SLC4A8: variants seen among roughly 807,000 people sequenced by gnomAD.
SLC4A8 encodes solute carrier family 4 member 8.
A neutral mutation model predicts 125.0 loss-of-function variants in SLC4A8; 40 were observed. The ratio of observed to expected loss-of-function variants is 0.32; its 90% CI spans 0.25 to 0.42. SLC4A8 has a LOEUF of 0.42. Among genes scored for constraint, SLC4A8 ranks in the 10% least tolerant of loss-of-function variants. SLC4A8 has a pLI of 1.00. For synonymous variants in SLC4A8, 456 were observed against 476.0 expected (o/e 0.96, Z 0.55); for missense variants, 863 against 1,355.1 (o/e 0.64, Z 5.70).
intron 4 of SLC4A8, 21 bp from the exon 5 acceptor site, chr12:51,453,518 A>G (rs1428742559): frequency 6.2e-7 from 1 of 1,608,758 alleles, no homozygotes; most frequent in Non-Finnish European, 8.5e-7. Context: ...TTTGGCATCT[A>G]GTTATTTGTA....
At chr12:51,464,122 C>T (rs1950439306) in intron 11 of SLC4A8, among the ~76,000 whole-genome samples, 1 of 152,002 alleles carries the variant, frequency 6.6e-6, no homozygotes, top group Admixed American at 6.6e-5. Context: ...CTCTGACCCT[C>T]CCTTCCCCAC....
At chr12:51,484,589 G>A (rs1255233294) in intron 16 of SLC4A8, among the ~76,000 whole-genome samples, 1 of 152,138 alleles carries the variant, frequency 6.6e-6, no homozygotes, top group African/African-American at 2.4e-5. Context: ...GAAACCTTGG[G>A]CTTCAAAGCA....
At chr12:51,431,810 G>A (rs935611034) in intron 1 of SLC4A8, among the ~76,000 whole-genome samples, 1 of 152,140 alleles carries the variant, frequency 6.6e-6, no homozygotes, top group African/African-American at 2.4e-5. Context: ...AGTTTGGGGT[G>A]CAGGGTTCTG....
intron 18 of SLC4A8, 56 bp from the exon 19 acceptor site, chr12:51,489,644 C>T: frequency 6.2e-7 from 1 of 1,604,730 alleles, no homozygotes; most frequent in South Asian, 1.1e-5. Flanking sequence ...GCTCACTGTT[C>T]TATGCCCTAC....
intron 1 of SLC4A8, among the ~76,000 whole-genome samples, chr12:51,400,777 TACATACATACACACACACACAC>T (rs1948369033): frequency 2.0e-4 from 2 of 10,002 alleles, no homozygotes; most frequent in African/African-American, 9.6e-4. Context: ...TATATATATA[TACATACATACACACACACACAC>T]ACATATATAA....
intron 1 of SLC4A8, chr12:51,403,304 A>G (rs1467877064): frequency 2.2e-6 from 1 of 451,670 alleles, no homozygotes; most frequent in Non-Finnish European, 4.5e-6. Flanking sequence ...GTTTCTTGAT[A>G]TGTGCCTGTT....
rs1950799984 is a variant in SLC4A8, at chr12:51,474,358, C to T, written c.1921C>T (p.Pro641Ser). Residue 641 changes from proline (P) to serine (S), a missense_variant, in exon 15 of 25, where the codon CCA (proline) becomes TCA (serine). Transcript: ENST00000453097. ...LSLYYCRCTL[P>S]ENPNNHTLQY... Reference sequence around the variant, plus strand: ...TCCCCTCAGCTGCAGGTGTACTCTGCCAGAGAATCCAAACAATCACACCCT... The same window carrying T: ...TCCCCTCAGCTGCAGGTGTACTCTGTCAGAGAATCCAAACAATCACACCCT... The T allele has an allele frequency of 6.3e-7, 1 of 1,593,204 alleles. No individual in the cohort carries two copies. Among genetic ancestry groups the T allele is most frequent in the Non-Finnish European group, 8.6e-7 (1 of 1,163,136 alleles).
intron 20 of SLC4A8, 119 bp from the exon 21 acceptor site, chr12:51,494,826 C>A: frequency 1.3e-6 from 1 of 745,176 alleles, no homozygotes; most frequent in Non-Finnish European, 2.1e-6. Context: ...CATTTCTGTC[C>A]AGAGGAAATG....
At chr12:51,486,344 G>C (rs541823214) in intron 17 of SLC4A8, among the ~76,000 whole-genome samples, 6 of 152,248 alleles carry the variant, frequency 3.9e-5, no homozygotes, top group African/African-American at 1.4e-4. Context: ...TTCAAGGATG[G>C]TGCCCCTTCC....
At chr12:51,432,821 T>TG (rs201763134) in intron 1 of SLC4A8, among the ~76,000 whole-genome samples, 344 of 151,838 alleles carry the variant, frequency 2.3e-3, no homozygotes, top group African/African-American at 7.6e-3. Context: ...TTGACTTTTT[T>TG]GGGGGGGGTC....
intron 19 of SLC4A8, among the ~76,000 whole-genome samples, chr12:51,491,491 G>A (rs187438027): frequency 5.1e-4 from 77 of 152,228 alleles, no homozygotes; most frequent in African/African-American, 1.5e-3. Flanking sequence ...GGGTAGACAC[G>A]TCTTGGAAAA....
chr12:51,399,958 G>T (rs1309083892), intron 1 of SLC4A8, among the ~76,000 whole-genome samples: 1 of 151,426 alleles, frequency 6.6e-6, no homozygotes, highest in Non-Finnish European at 1.5e-5. Context: ...CTCCAGTCTG[G>T]TGACAGAGCA....
intron 21 of SLC4A8, among the ~76,000 whole-genome samples, chr12:51,495,470 C>CTTTTTTT (rs3028942): frequency 1.2e-3 from 95 of 76,274 alleles, no homozygotes; most frequent in East Asian, 1.7e-3. Flanking sequence ...TTTCTTTCTT[C>CTTTTTTT]TTTTTTTTTT....
At chr12:51,407,193 C>T (rs1033738903) in intron 1 of SLC4A8, among the ~76,000 whole-genome samples, 1 of 152,172 alleles carries the variant, frequency 6.6e-6, no homozygotes, top group Non-Finnish European at 1.5e-5. Context: ...ATGGCCTAAT[C>T]ATCTTCTAAA....
chr12:51,403,058 CA>C (rs2137940340), intron 1 of SLC4A8: 1 of 375,758 alleles, frequency 2.7e-6, no homozygotes, highest in African/African-American at 2.1e-5. Context: ...AGCCTGTTTT[CA>C]TTTTTTTTTA....
intron 17 of SLC4A8, among the ~76,000 whole-genome samples, chr12:51,486,963 TTC>T (rs1000331776): frequency 6.6e-6 from 1 of 152,222 alleles, no homozygotes; most frequent in Admixed American, 6.5e-5. Flanking sequence ...ACAATCAGCT[TTC>T]TCTCTAATAC....
chr12:51,447,864 C>T (rs1351849426), intron 2 of SLC4A8, among the ~76,000 whole-genome samples: 1 of 151,832 alleles, frequency 6.6e-6, no homozygotes, highest in Non-Finnish European at 1.5e-5. Flanking sequence ...CTACAGGCAC[C>T]CACCACCATG....
chr12:51,416,509 G>A (rs1948690624), intron 1 of SLC4A8, among the ~76,000 whole-genome samples: 2 of 152,024 alleles, frequency 1.3e-5, no homozygotes, highest in Admixed American at 1.3e-4. Flanking sequence ...TGGGTGTGGT[G>A]GCGTACGCTT....
intron 2 of SLC4A8, chr12:51,450,497 C>T (rs1208075316): frequency 5.6e-6 from 1 of 178,034 alleles, no homozygotes; most frequent in Non-Finnish European, 1.2e-5. Flanking sequence ...TCTAAACTGC[C>T]TCCCTGCCAA....
Sources: gnomAD v4.1 joint callset for allele counts (sites outside exome capture counted in the v4.1 genomes callset) on GRCh38, gnomAD v4.1.1 for gene constraint, MANE v1.5 for transcripts, NCBI Gene and HGNC (gene_info 2026-07-23, HGNC 2026-07-21) for gene names.